Variants in SLC24A2 observed in about 807,000 individuals in gnomAD.
SLC24A2 encodes sodium/potassium/calcium exchanger 2.
Under a neutral mutation model 62.0 loss-of-function variants are expected in SLC24A2, and 36 were observed. The observed-to-expected ratio is 0.58, with a 90% confidence interval of 0.44 to 0.77. The LOEUF (loss-of-function observed/expected upper bound fraction) is 0.77, where lower values mean the gene tolerates loss of function less well. Among genes scored for constraint, SLC24A2 ranks in the 30% least tolerant of loss-of-function variants. The probability of loss-of-function intolerance (pLI) is 0.00; values close to 1 mark genes in which losing one functional copy is unlikely to be tolerated. For missense variants in SLC24A2, 846 were observed against 817.9 expected (o/e 1.03, Z -0.42); for synonymous variants, 358 against 294.0 (o/e 1.22, Z -2.23).
At chr9:20,007,830 G>A in the SLC24A2 span, among the ~76,000 whole-genome samples, 1 of 141,316 alleles carries the variant, frequency 7.1e-6, no homozygotes, top group East Asian at 2.1e-4. Flanking sequence ...TAAGAGACTT[G>A]CACAGGTGAG....
chr9:20,260,941 C>T, the SLC24A2 span, among the ~76,000 whole-genome samples: 5 of 149,392 alleles, frequency 3.3e-5, no homozygotes, highest in Admixed American at 1.4e-4. Flanking sequence ...CTGCAACCTC[C>T]ACCTCCCGGG....
At chr9:20,272,890 T>C in the SLC24A2 span, among the ~76,000 whole-genome samples, 2 of 152,046 alleles carry the variant, frequency 1.3e-5, no homozygotes, top group African/African-American at 4.8e-5. Flanking sequence ...AGCCCAGTGG[T>C]GATATCCTTA....
At chr9:20,034,476 T>A in the SLC24A2 span, among the ~76,000 whole-genome samples, 1 of 131,890 alleles carries the variant, frequency 7.6e-6, no homozygotes. Context: ...TTTTTTTTTT[T>A]TGAGACGGAG....
chr9:20,211,238 C>T, the SLC24A2 span, among the ~76,000 whole-genome samples: 6 of 152,080 alleles, frequency 3.9e-5, no homozygotes, highest in Non-Finnish European at 5.9e-5. Context: ...GCTGGCCGGG[C>T]GCGGTGGCTC....
chr9:20,050,371 G>A, the SLC24A2 span, among the ~76,000 whole-genome samples: 5 of 151,812 alleles, frequency 3.3e-5, no homozygotes, highest in African/African-American at 2.4e-5. Flanking sequence ...AGCCTAGATC[G>A]CACCACTGCA....
the SLC24A2 span, among the ~76,000 whole-genome samples, chr9:19,841,009 G>T: frequency 6.6e-6 from 1 of 151,998 alleles, no homozygotes; most frequent in African/African-American, 2.4e-5. Flanking sequence ...ACAGCTGGAT[G>T]GTTTATAGTT....
intron 2 of SLC24A2, among the ~76,000 whole-genome samples, chr9:19,743,621 AAT>A (rs909935117): frequency 1.3e-5 from 2 of 152,126 alleles, no homozygotes; most frequent in African/African-American, 4.8e-5. Flanking sequence ...TGCATTCTAT[AAT>A]ATGTTCTTGT....
chr9:20,109,791 C>T, the SLC24A2 span, among the ~76,000 whole-genome samples: 9 of 152,164 alleles, frequency 5.9e-5, no homozygotes, highest in South Asian at 1.2e-3. Context: ...AGGTAGTTAC[C>T]AAACCCAAGG....
intron 4 of SLC24A2, among the ~76,000 whole-genome samples, chr9:19,598,666 T>C (rs1392463090): frequency 6.6e-6 from 1 of 152,020 alleles, no homozygotes; most frequent in Non-Finnish European, 1.5e-5. Context: ...AAAAAATATA[T>C]ACATACGTGT....
the SLC24A2 span, among the ~76,000 whole-genome samples, chr9:20,099,347 C>A: frequency 6.6e-6 from 1 of 152,162 alleles, no homozygotes; most frequent in Non-Finnish European, 1.5e-5. Context: ...TGGAAAAGGG[C>A]ACTTACCTTT....
At chr9:20,188,153 C>T in the SLC24A2 span, among the ~76,000 whole-genome samples, 1 of 152,206 alleles carries the variant, frequency 6.6e-6, no homozygotes, top group African/African-American at 2.4e-5. Flanking sequence ...TGTAGAATTT[C>T]TGCTACAAAC....
At chr9:19,618,602 C>A (rs1018545523) in intron 4 of SLC24A2, among the ~76,000 whole-genome samples, 4 of 152,140 alleles carry the variant, frequency 2.6e-5, no homozygotes, top group Non-Finnish European at 5.9e-5. Flanking sequence ...TTTTTCTTTA[C>A]CTCATATGAA....
chr9:19,726,637 A>C (rs113107130), intron 2 of SLC24A2, among the ~76,000 whole-genome samples: 31 of 152,310 alleles, frequency 2.0e-4, no homozygotes, highest in African/African-American at 6.5e-4. Context: ...CTGTTGGCTA[A>C]TACAATTATT....
intron 7 of SLC24A2, among the ~76,000 whole-genome samples, chr9:19,559,779 T>C (rs970425688): frequency 1.3e-5 from 2 of 152,154 alleles, no homozygotes; most frequent in Non-Finnish European, 1.5e-5. Flanking sequence ...GGCTCAGAAA[T>C]AGTAAGTTAT....
the SLC24A2 span, among the ~76,000 whole-genome samples, chr9:19,874,659 G>C: frequency 1.2e-4 from 18 of 152,140 alleles, no homozygotes; most frequent in African/African-American, 4.3e-4. Context: ...ACAAGGACAG[G>C]CTTATTTCTA....
At chr9:20,099,588 C>A in the SLC24A2 span, among the ~76,000 whole-genome samples, 1 of 152,086 alleles carries the variant, frequency 6.6e-6, no homozygotes, top group African/African-American at 2.4e-5. Flanking sequence ...TTGTTTTGTG[C>A]TTGTATTAAA....
chr9:20,257,162 C>G, the SLC24A2 span, among the ~76,000 whole-genome samples: 27 of 152,096 alleles, frequency 1.8e-4, no homozygotes, highest in Admixed American at 3.3e-4. Context: ...ATACCCAATG[C>G]CTAGAAATTT....
At chr9:19,810,645 C>T in the SLC24A2 span, among the ~76,000 whole-genome samples, 2 of 152,194 alleles carry the variant, frequency 1.3e-5, no homozygotes, top group Non-Finnish European at 2.9e-5. Context: ...TCAGTTAATG[C>T]GTCCGCTTAA....
At chr9:20,068,971 T>A in the SLC24A2 span, among the ~76,000 whole-genome samples, 1 of 151,568 alleles carries the variant, frequency 6.6e-6, no homozygotes, top group African/African-American at 2.4e-5. Flanking sequence ...TGATTAGACA[T>A]CTCCATTGGA....
Sources: gnomAD v4.1 joint callset for allele counts (sites outside exome capture counted in the v4.1 genomes callset) on GRCh38, gnomAD v4.1.1 for gene constraint, MANE v1.5 for transcripts, NCBI Gene and HGNC (gene_info 2026-07-23, HGNC 2026-07-21) for gene names.